Variants in FAM241A observed in about 807,000 individuals in gnomAD.
The protein encoded by FAM241A is family with sequence similarity 241 member A.
In FAM241A, 7 loss-of-function variants were observed where a neutral mutation model predicts 12.2. The ratio of observed to expected loss-of-function variants is 0.58; its 90% CI spans 0.33 to 1.08. The LOEUF (loss-of-function observed/expected upper bound fraction) is 1.08. Ranked by LOEUF, FAM241A falls within the 50% of genes least tolerant of loss-of-function variation. The probability of loss-of-function intolerance (pLI) is 0.04; values close to 1 mark genes in which losing one functional copy is unlikely to be tolerated. For missense variants in FAM241A, 161 were observed against 169.7 expected (o/e 0.95, Z 0.29); for synonymous variants, 74 against 68.2 (o/e 1.08, Z -0.42).
chr4:112,179,848 A>G (rs1161973046), intron 1 of FAM241A, among the ~76,000 whole-genome samples: 1 of 148,110 alleles, frequency 6.8e-6, no homozygotes, highest in Non-Finnish European at 1.5e-5. Flanking sequence ...TCATAGTGCT[A>G]TTCTCAATAG....
At chr4:112,182,325 C>T (rs950179868) in intron 1 of FAM241A, among the ~76,000 whole-genome samples, 10 of 152,126 alleles carry the variant, frequency 6.6e-5, no homozygotes, top group African/African-American at 2.4e-4. Flanking sequence ...CTGCATGAGA[C>T]AATCCAGAAA....
Position 112,190,698 on chromosome 4 carries a change from CAAAA to C in FAM241A, c.*3773_*3776del, listed in dbSNP as rs969099285. On this transcript the variant is annotated 3_prime_UTR_variant, in exon 2 of 2. Transcript: ENST00000309733. ...GGGCAACAAGAGCGAAACTCCATCT[CAAAA>C]AAAAAAAAAAAAGACTTTCATGCCT... 2.2e-5 allele frequency: 2 copies of C among 90,466 alleles called. No individual in the cohort carries two copies. The highest frequency in any genetic ancestry group is 3.9e-4 in the South Asian group (1 of 2,550). 5.6% of individuals were successfully genotyped at this position (90,466 alleles called of 1,614,324 possible).
chr4:112,157,873 A>G (rs1030463964), intron 1 of FAM241A, among the ~76,000 whole-genome samples: 1 of 152,112 alleles, frequency 6.6e-6, no homozygotes, highest in African/African-American at 2.4e-5. Flanking sequence ...TTGAGTGGTC[A>G]TTGGTTCAGA....
At chr4:112,168,189 G>A (rs1483180417) in intron 1 of FAM241A, among the ~76,000 whole-genome samples, 1 of 152,068 alleles carries the variant, frequency 6.6e-6, no homozygotes, top group Non-Finnish European at 1.5e-5. Context: ...GTGACTTTAT[G>A]TAGATACACT....
intron 1 of FAM241A, among the ~76,000 whole-genome samples, chr4:112,181,701 T>A (rs536530317): frequency 6.6e-6 from 1 of 152,266 alleles, no homozygotes; most frequent in South Asian, 2.1e-4. Context: ...AATAGTTTTT[T>A]GAGCAGAGAA....
chr4:112,158,294 A>G (rs1383109344), intron 1 of FAM241A, among the ~76,000 whole-genome samples: 2 of 152,160 alleles, frequency 1.3e-5, no homozygotes, highest in African/African-American at 2.4e-5. Context: ...CAATCTTGCC[A>G]TATACTGAAG....
chr4:112,178,306 T>G (rs1723864107), intron 1 of FAM241A, among the ~76,000 whole-genome samples: 1 of 152,156 alleles, frequency 6.6e-6, no homozygotes, highest in Non-Finnish European at 1.5e-5. Context: ...ATTATCCAGG[T>G]GGATCAAACT....
At chr4:112,173,154 G>A in intron 1 of FAM241A, among the ~76,000 whole-genome samples, 1 of 152,162 alleles carries the variant, frequency 6.6e-6, no homozygotes, top group East Asian at 1.9e-4. Flanking sequence ...CTCCCAAAGT[G>A]CTGAGATTAT....
rs556886780 is a variant in FAM241A, at chr4:112,154,354, A to G, written c.153+8621A>G. On this transcript the variant is annotated intron_variant, in intron 1 of 1. Transcript: ENST00000309733. ...AGGATCTCAGCTCACTGCAACCTCCACTTCCCAGGTTCAAGCAATTCTTGT... is the reference window on the plus strand; with the variant it reads ...AGGATCTCAGCTCACTGCAACCTCCGCTTCCCAGGTTCAAGCAATTCTTGT... 3.3e-5 allele frequency among the ~76,000 whole-genome samples: 5 copies of G among 152,222 alleles called. No individual in the cohort carries two copies. The South Asian group carries it at 1.0e-3, about 32-fold the overall frequency.
chr4:112,156,493 A>C (rs907495378), intron 1 of FAM241A, among the ~76,000 whole-genome samples: 8 of 152,192 alleles, frequency 5.3e-5, no homozygotes, highest in African/African-American at 1.7e-4. Flanking sequence ...TCTAAAACAT[A>C]ATCCCCATGA....
In FAM241A at chr4:112,190,396, G is replaced by A. The variant is rs191495060; in HGVS notation, c.*3458G>A. 2.0e-5 allele frequency: 3 copies of A among 151,944 alleles called. No individual in the cohort carries two copies. Among genetic ancestry groups the A allele is most frequent in the Non-Finnish European group, 4.4e-5 (3 of 67,958 alleles). The allele number at this position is 151,944 out of a possible 1,614,324, so 9.4% of individuals were successfully genotyped here. On this transcript the variant is annotated 3_prime_UTR_variant, in exon 2 of 2. Transcript: ENST00000309733. ...GAAGGGAGAAAAAAAAATGTAAGACGGCCAGGCGCGGTGGCTCATCCCTAT... is the reference window on the plus strand; with the variant it reads ...GAAGGGAGAAAAAAAAATGTAAGACAGCCAGGCGCGGTGGCTCATCCCTAT...
chr4:112,160,404 CAA>C (rs34894300), intron 1 of FAM241A, among the ~76,000 whole-genome samples: 18 of 121,616 alleles, frequency 1.5e-4, no homozygotes, highest in Non-Finnish European at 1.8e-4. Context: ...AACTCCATCT[CAA>C]AAAAAAAAAA....
At position 112,192,480 on chromosome 4, in the gene FAM241A, A is replaced by G. The variant is rs1424622059; in HGVS notation, c.*5542A>G. On this transcript the variant is annotated 3_prime_UTR_variant, in exon 2 of 2. Coordinates refer to ENST00000309733, the MANE Select transcript of FAM241A (RefSeq NM_152400.3). ...CATTTAGCATTAGGTATATCTCCTA[A>G]TGCTATCCCTCTCCCCTCCCCCCAC... 1.3e-5 allele frequency: 2 copies of G among 149,966 alleles called. No individual in the cohort carries two copies. The highest frequency in any genetic ancestry group is 1.3e-4 in the Admixed American group (2 of 15,098). The allele number at this position is 149,966 out of a possible 1,614,324, so 9.3% of individuals were successfully genotyped here. A position where few individuals can be genotyped will look rare whatever the true frequency, so the allele number is the denominator to read the frequency against.
At chr4:112,171,122 T>G (rs1242931611) in intron 1 of FAM241A, 1 of 397,286 alleles carries the variant, frequency 2.5e-6, no homozygotes, top group Non-Finnish European at 4.8e-6. Context: ...AACAAGAAAC[T>G]GTTATTGTAC....
chr4:112,164,347 G>A (rs965015663), intron 1 of FAM241A, among the ~76,000 whole-genome samples: 31 of 150,430 alleles, frequency 2.1e-4, no homozygotes, highest in Non-Finnish European at 7.4e-5. Context: ...ACGATCGCAA[G>A]GACAGAAAAC....
At chr4:112,163,745 C>G (rs1560581882) in intron 1 of FAM241A, among the ~76,000 whole-genome samples, 1 of 152,222 alleles carries the variant, frequency 6.6e-6, no homozygotes, top group African/African-American at 2.4e-5. Flanking sequence ...TTGTGGAAGA[C>G]AGTGTGGCGA....
Position 112,173,396 on chromosome 4 carries a change from A to G in FAM241A, c.154-13297A>G, listed in dbSNP as rs962314163. The stretch of plus-strand genomic sequence containing the variant: ...TTAATGTATTGAAAGCAACTAAGGA[A>G]AAAACAGGACTGACTATTCTGAGAT... On this transcript the variant is annotated intron_variant, in intron 1 of 1. Transcript: ENST00000309733. 4.6e-5 allele frequency among the ~76,000 whole-genome samples: 7 copies of G among 152,308 alleles called. No individual in the cohort carries two copies. In the East Asian group the frequency reaches 1.3e-3, roughly 29 times the overall value.
intron 1 of FAM241A, among the ~76,000 whole-genome samples, chr4:112,180,121 A>C (rs896660714): frequency 6.6e-6 from 1 of 151,648 alleles, no homozygotes; most frequent in Non-Finnish European, 1.5e-5. Flanking sequence ...CAAATACCAC[A>C]TGTTCTCACT....
intron 1 of FAM241A, among the ~76,000 whole-genome samples, chr4:112,166,839 G>A (rs1374056827): frequency 1.3e-5 from 2 of 152,032 alleles, no homozygotes; most frequent in African/African-American, 4.8e-5. Context: ...TACTGGCCGG[G>A]CGCGGTGGCT....
Sources: allele counts gnomAD v4.1 joint callset (sites outside exome capture counted in the v4.1 genomes callset), GRCh38; gene constraint gnomAD v4.1.1; transcripts MANE v1.5; gene names NCBI Gene and HGNC (gene_info 2026-07-23, HGNC 2026-07-21).